The following LUC7L3 variants were observed in gnomAD, a reference collection of about 807,000 sequenced individuals.
The protein encoded by LUC7L3 is luc7-like protein 3.
LUC7L3 carries 6 observed loss-of-function variants against 66.8 expected under a neutral mutation model. The ratio of observed to expected loss-of-function variants is 0.09; its 90% confidence interval spans 0.05 to 0.18. The LOEUF (loss-of-function observed/expected upper bound fraction) is 0.18, where lower values mean the gene tolerates loss of function less well. Ranked by LOEUF, LUC7L3 falls within the 10% of genes least tolerant of loss-of-function variation. The probability of loss-of-function intolerance (pLI) is 1.00; values close to 1 mark genes in which losing one functional copy is unlikely to be tolerated. For missense variants in LUC7L3, 341 were observed against 531.1 expected (o/e 0.64, Z 3.52); for synonymous variants, 160 against 174.7 (o/e 0.92, Z 0.66).
At chr17:50,720,196 C>T (rs1968651254) in intron 1 of LUC7L3, among the ~76,000 whole-genome samples, 1 of 152,182 alleles carries the variant, frequency 6.6e-6, no homozygotes. Flanking sequence ...TTGGGTTGAA[C>T]GTCGTATTTA....
intron 1 of LUC7L3, among the ~76,000 whole-genome samples, chr17:50,729,055 AGTT>A (rs1969397639): frequency 6.6e-6 from 1 of 152,228 alleles, no homozygotes; most frequent in Non-Finnish European, 1.5e-5. Context: ...ACCATAGACT[AGTT>A]AATATAAAGA....
chr17:50,729,896 T>TTATA (rs1156777167), intron 1 of LUC7L3, among the ~76,000 whole-genome samples: 89 of 65,504 alleles, frequency 1.4e-3, no homozygotes, highest in Non-Finnish European at 1.8e-3. Context: ...TATAAATACA[T>TTATA]TATATATATA....
chr17:50,743,162 C>CA (rs1970452129), intron 5 of LUC7L3, among the ~76,000 whole-genome samples: 1 of 151,416 alleles, frequency 6.6e-6, no homozygotes, highest in East Asian at 1.9e-4. Flanking sequence ...CCCAGCAGTT[C>CA]AAAACCAGCC....
chr17:50,746,840 CAG>C, intron 9 of LUC7L3, 138 bp downstream of exon 9: 1 of 628,506 alleles, frequency 1.6e-6, no homozygotes, highest in Non-Finnish European at 2.6e-6. Flanking sequence ...CAGTAGGAGA[CAG>C]GCATTCTTTC....
rs1971018179 is a variant in LUC7L3 at position 50,752,403 on chromosome 17, G to A, written c.*1742G>A. The A allele has an allele frequency of 1.1e-5, 3 of 276,128 alleles. No individual in the cohort carries two copies. Among genetic ancestry groups the A allele is most frequent in the East Asian group, 1.2e-4 (1 of 8,090 alleles). The allele number at this position is 276,128 out of a possible 1,614,324, so 17.1% of individuals were successfully genotyped here. The stretch of plus-strand genomic sequence containing the variant: ...CAGAACATGTGTTAATAGTATATAT[G>A]CCACTGAAAACTTAGGTCCTGTATC... On this transcript the variant is annotated 3_prime_UTR_variant, in exon 10 of 10. Transcript: ENST00000505658.
In LUC7L3 at chr17:50,754,313, C is replaced by T. The variant is rs1257168763; in HGVS notation, c.*3652C>T. On this transcript the variant is annotated 3_prime_UTR_variant, in exon 10 of 10. Transcript: ENST00000505658. ...ACAATATAATTAACCTCTGTTAACT[C>T]ATCACCAACAAGACTCATGACCACT... 3 of 152,046 alleles carry T rather than the reference C, an allele frequency of 2.0e-5. No individual in the cohort carries two copies. Among genetic ancestry groups the T allele is most frequent in the African/African-American group, 4.8e-5 (2 of 41,426 alleles). 9.4% of individuals were successfully genotyped at this position (152,046 alleles called of 1,614,324 possible).
chr17:50,736,735 A>G (rs1970008385), intron 1 of LUC7L3: 1 of 444,860 alleles, frequency 2.2e-6, no homozygotes, highest in South Asian at 3.3e-5. Context: ...GATTAAAAAT[A>G]GATAAAGAAA....
chr17:50,732,272 A>T (rs960496617), intron 1 of LUC7L3, among the ~76,000 whole-genome samples: 1 of 152,216 alleles, frequency 6.6e-6, no homozygotes, highest in East Asian at 1.9e-4. Flanking sequence ...TCAGCCTGGC[A>T]CTTTAACACC....
intron 2 of LUC7L3, among the ~76,000 whole-genome samples, chr17:50,739,378 A>C (rs935146032): frequency 6.6e-6 from 1 of 152,166 alleles, no homozygotes; most frequent in Non-Finnish European, 1.5e-5. Flanking sequence ...ATAGAGAAAA[A>C]ACTAGGCTCA....
In LUC7L3 at chr17:50,742,734, CAT is replaced by C. The variant is rs925911172; in HGVS notation, c.427-969_427-968del. ...AATATTTATCCAAGAGAAATGAAAACATATGTCTACACAAAGATTTACACTCC... is the reference window on the plus strand; with the variant it reads ...AATATTTATCCAAGAGAAATGAAAACATGTCTACACAAAGATTTACACTCC... On this transcript the variant is annotated intron_variant, in intron 5 of 9. Transcript: ENST00000505658. Among the ~76,000 whole-genome samples, 14 of 152,226 alleles carry C rather than the reference CAT, an allele frequency of 9.2e-5. No individual in the cohort carries two copies. The East Asian group carries it at 9.6e-4, about 10-fold the overall frequency.
intron 1 of LUC7L3, chr17:50,722,993 A>G (rs572807040): frequency 7.2e-5 from 11 of 152,392 alleles, no homozygotes; most frequent in African/African-American, 2.6e-4. Flanking sequence ...AACCACAGTG[A>G]TGAGGAAAGC....
At chr17:50,746,079 C>G in intron 8 of LUC7L3, 76 bp downstream of exon 8, 1 of 1,469,800 alleles carries the variant, frequency 6.8e-7, no homozygotes, top group Non-Finnish European at 9.0e-7. Flanking sequence ...AGTATTATTC[C>G]TTGGAATGGT....
At chr17:50,733,609 G>A (rs999429840) in intron 1 of LUC7L3, among the ~76,000 whole-genome samples, 17 of 152,028 alleles carry the variant, frequency 1.1e-4, no homozygotes, top group African/African-American at 3.6e-4. Flanking sequence ...CACCGTGTTA[G>A]CCAGGATGAT....
chr17:50,746,323 A>G (rs1159415371), intron 8 of LUC7L3, among the ~76,000 whole-genome samples: 2 of 152,246 alleles, frequency 1.3e-5, no homozygotes, highest in Non-Finnish European at 2.9e-5. Flanking sequence ...ATAATTACAA[A>G]TTGAAGAAGA....
intron 6 of LUC7L3, 37 bp from the exon 7 acceptor site, chr17:50,744,612 TTCC>T (rs753675119): frequency 2.3e-5 from 36 of 1,573,876 alleles, no homozygotes; most frequent in Non-Finnish European, 2.9e-5. Context: ...TTTGTTTCTC[TTCC>T]TCAGATGTTC....
chr17:50,751,552 G>T lies in LUC7L3; in HGVS notation c.*891G>T. On this transcript the variant is annotated 3_prime_UTR_variant, in exon 10 of 10. Coordinates refer to ENST00000505658, the MANE Select transcript of LUC7L3 (RefSeq NM_016424.5). The stretch of plus-strand genomic sequence containing the variant: ...GGAATTTTTTTTCAACTGTATGTAG[G>T]GCTGCAGTGGTGGCCAGAATTAGAT... 1 of 1,159,732 alleles carries T rather than the reference G, an allele frequency of 8.6e-7. No homozygotes were observed. The highest frequency in any genetic ancestry group is 1.1e-6 in the Non-Finnish European group (1 of 926,364). The allele number at this position is 1,159,732 out of a possible 1,614,324, so 71.8% of individuals were successfully genotyped here. A position where few individuals can be genotyped will look rare whatever the true frequency, so the allele number is the denominator to read the frequency against.
At chr17:50,743,250 G>A (rs1597930078) in intron 5 of LUC7L3, among the ~76,000 whole-genome samples, 1 of 151,646 alleles carries the variant, frequency 6.6e-6, no homozygotes, top group African/African-American at 2.4e-5. Context: ...CCAGGCTGGA[G>A]TGCAGTGGCA....
rs888019559 is a variant in LUC7L3 at position 50,754,486 on chromosome 17, A to C, written c.*3825A>C. ...AAATAACAGTTCATTAGTATAAAAC[A>C]AATTGGGTAAACTTTTGTTGGTCAT... On this transcript the variant is annotated 3_prime_UTR_variant, in exon 10 of 10. Coordinates refer to ENST00000505658, the MANE Select transcript of LUC7L3 (RefSeq NM_016424.5). 1 of 152,196 alleles carries C rather than the reference A, an allele frequency of 6.6e-6. No individual in the cohort carries two copies. The highest frequency in any genetic ancestry group is 2.4e-5 in the African/African-American group (1 of 41,436). The allele number at this position is 152,196 out of a possible 1,614,324, so 9.4% of individuals were successfully genotyped here. A position where few individuals can be genotyped will look rare whatever the true frequency, so the allele number is the denominator to read the frequency against.
Position 50,750,534 on chromosome 17 carries a change from T to G in LUC7L3, c.1172T>G (p.Val391Gly). The change falls in exon 10 of 10, where the codon GTG (valine) becomes GGG (glycine). Residue 391 changes from valine to glycine, a missense_variant. Physicochemically the swap from Val to Gly is moderately radical, Grantham distance 109. Coordinates refer to ENST00000505658, the MANE Select transcript of LUC7L3 (RefSeq NM_016424.5). ...KRGSDDKKSS[V>G]KSGSREKQSE... is the part of the protein sequence containing the mutation. ...GGATCTGATGATAAAAAAAGTAGTG[T>G]GAAGTCCGGTAGTCGAGAAAAGCAG... The G allele has an allele frequency of 1.2e-6, 2 of 1,613,998 alleles. No homozygotes were observed. Among genetic ancestry groups the G allele is most frequent in the Middle Eastern group, 1.7e-4 (1 of 6,060 alleles).
Sources: allele counts gnomAD v4.1 joint callset (sites outside exome capture counted in the v4.1 genomes callset), GRCh38; gene constraint gnomAD v4.1.1; transcripts MANE v1.5; gene names NCBI Gene and HGNC (gene_info 2026-07-23, HGNC 2026-07-21).